SLC9A9: variants seen among roughly 807,000 people sequenced by gnomAD.
SLC9A9 encodes the protein sodium/hydrogen exchanger 9.
In SLC9A9, 62 loss-of-function variants were observed where a neutral mutation model predicts 77.8. That is an observed-to-expected ratio of 0.80 (90% CI 0.65 to 0.98). SLC9A9 has a LOEUF of 0.98. SLC9A9 is among the 50% of genes least tolerant of loss of function. The pLI, the probability that SLC9A9 is intolerant of heterozygous loss-of-function variation, is 0.00. For synonymous variants in SLC9A9, 320 were observed against 283.5 expected, an observed-to-expected ratio of 1.13 and a Z score of -1.29; for missense variants, 775 against 774.9, an observed-to-expected ratio of 1.00 and a Z score of 0.00.
intron 4 of SLC9A9, among the ~76,000 whole-genome samples, chr3:143,776,229 T>A (rs886687916): frequency 6.6e-6 from 1 of 152,216 alleles, no homozygotes; most frequent in Non-Finnish European, 1.5e-5. Context: ...ATACATATAA[T>A]AGCAAACTAT....
intron 9 of SLC9A9, among the ~76,000 whole-genome samples, chr3:143,530,219 G>C (rs977791527): frequency 1.3e-5 from 2 of 152,202 alleles, no homozygotes; most frequent in Admixed American, 1.3e-4. Context: ...GTTTGGCTGT[G>C]TCCCCACACA....
chr3:143,419,037 A>G (rs2034250248), intron 12 of SLC9A9, among the ~76,000 whole-genome samples: 2 of 152,182 alleles, frequency 1.3e-5, no homozygotes, highest in Non-Finnish European at 2.9e-5. Context: ...TTCCCTTGAT[A>G]CTACATGTGT....
intron 4 of SLC9A9, among the ~76,000 whole-genome samples, chr3:143,744,524 C>A (rs191170850): frequency 6.6e-6 from 1 of 152,178 alleles, no homozygotes; most frequent in African/African-American, 2.4e-5. Context: ...TCTCTCTTCA[C>A]GGCCCCATCG....
intron 12 of SLC9A9, among the ~76,000 whole-genome samples, chr3:143,438,303 G>A (rs542055873): frequency 2.6e-5 from 4 of 152,336 alleles, no homozygotes; most frequent in African/African-American, 9.6e-5. Flanking sequence ...TCTCAAAATG[G>A]GGGCCCCAAC....
At chr3:143,425,973 CTTT>C (rs34690704) in intron 12 of SLC9A9, among the ~76,000 whole-genome samples, 13,214 of 147,404 alleles carry the variant, frequency 0.09, 1,109 homozygotes, top group African/African-American at 0.22. Context: ...GCCACAATGG[CTTT>C]TTTTTTTTTT....
intron 8 of SLC9A9, among the ~76,000 whole-genome samples, chr3:143,555,562 G>A (rs953355933): frequency 1.3e-5 from 2 of 152,186 alleles, no homozygotes; most frequent in African/African-American, 4.8e-5. Context: ...AAGTGACAGA[G>A]CTGAGATCAA....
chr3:143,792,540 G>T (rs1002974383), intron 4 of SLC9A9, among the ~76,000 whole-genome samples: 20 of 152,130 alleles, frequency 1.3e-4, no homozygotes, highest in Non-Finnish European at 2.1e-4. Context: ...CCTCTCCTGT[G>T]TTAGGTTCTG....
At chr3:143,624,304 C>T (rs569925031) in intron 6 of SLC9A9, among the ~76,000 whole-genome samples, 2 of 152,176 alleles carry the variant, frequency 1.3e-5, no homozygotes, top group South Asian at 2.1e-4. Context: ...CTGGCAGAGA[C>T]ACAACAAAAA....
At chr3:143,328,330 T>C (rs2031663158) in intron 14 of SLC9A9, among the ~76,000 whole-genome samples, 1 of 152,252 alleles carries the variant, frequency 6.6e-6, no homozygotes, top group Admixed American at 6.5e-5. Flanking sequence ...GTAAGGTCTA[T>C]TAATTTTTAA....
chr3:143,299,074 T>A (rs2030405665), intron 14 of SLC9A9, among the ~76,000 whole-genome samples: 1 of 152,168 alleles, frequency 6.6e-6, no homozygotes, highest in African/African-American at 2.4e-5. Context: ...GCTCAAGAAA[T>A]GTCAGTTCTC....
At chr3:143,561,641 C>T (rs531818604) in intron 8 of SLC9A9, among the ~76,000 whole-genome samples, 1 of 152,282 alleles carries the variant, frequency 6.6e-6, no homozygotes, top group South Asian at 2.1e-4. Context: ...TAGCTTCACC[C>T]TACTGAGACT....
At chr3:143,442,763 G>A (rs1489887206) in intron 12 of SLC9A9, among the ~76,000 whole-genome samples, 2 of 152,204 alleles carry the variant, frequency 1.3e-5, no homozygotes, top group Admixed American at 1.3e-4. Flanking sequence ...GCAAGTAAGC[G>A]TTATTAGCAC....
chr3:143,818,138 T>C (rs530739113), intron 2 of SLC9A9, among the ~76,000 whole-genome samples: 103 of 152,246 alleles, frequency 6.8e-4, no homozygotes, highest in Non-Finnish European at 1.2e-3. Context: ...CTTGTCACTC[T>C]AAATGAATAT....
At chr3:143,446,491 T>C (rs537497713) in intron 12 of SLC9A9, among the ~76,000 whole-genome samples, 1 of 152,180 alleles carries the variant, frequency 6.6e-6, no homozygotes, top group African/African-American at 2.4e-5. Flanking sequence ...TCGGGATGAT[T>C]GATGAGCAGC....
intron 2 of SLC9A9, among the ~76,000 whole-genome samples, chr3:143,827,171 T>C (rs969401564): frequency 6.6e-6 from 1 of 152,224 alleles, no homozygotes; most frequent in Non-Finnish European, 1.5e-5. Flanking sequence ...TTCCTAAATA[T>C]TACATAACAA....
chr3:143,569,814 CT>C (rs530202918), intron 8 of SLC9A9, among the ~76,000 whole-genome samples: 18,925 of 133,222 alleles, frequency 0.14, 1,015 homozygotes, highest in South Asian at 0.22. Context: ...TTGTTTTTTT[CT>C]TTTTTTTTTT....
At chr3:143,610,391 C>T (rs1404716348) in intron 6 of SLC9A9, among the ~76,000 whole-genome samples, 2 of 152,318 alleles carry the variant, frequency 1.3e-5, no homozygotes, top group East Asian at 3.9e-4. Flanking sequence ...AAGCAATCTT[C>T]TTGCCTTCGC....
intron 4 of SLC9A9, among the ~76,000 whole-genome samples, chr3:143,747,446 T>C (rs981956581): frequency 6.7e-6 from 1 of 149,848 alleles, no homozygotes. Context: ...GCAGATGTGA[T>C]TAGGTGAAAA....
intron 5 of SLC9A9, among the ~76,000 whole-genome samples, chr3:143,681,875 A>T (rs1472100845): frequency 6.6e-6 from 1 of 152,156 alleles, no homozygotes; most frequent in Non-Finnish European, 1.5e-5. Flanking sequence ...AGGTACCTGG[A>T]GGAGATAGGT....
Sources: gnomAD v4.1 joint callset for allele counts (sites outside exome capture counted in the v4.1 genomes callset) on GRCh38, gnomAD v4.1.1 for gene constraint, MANE v1.5 for transcripts, NCBI Gene and HGNC (gene_info 2026-07-23, HGNC 2026-07-21) for gene names.